Variants in SEMA6A observed in about 807,000 individuals in gnomAD.
SEMA6A encodes the protein semaphorin 6A.
A neutral mutation model predicts 96.8 loss-of-function variants in SEMA6A; 25 were observed. That is an observed-to-expected ratio of 0.26 (90% CI 0.19 to 0.36). The LOEUF (loss-of-function observed/expected upper bound fraction) is 0.36, where lower values mean the gene tolerates loss of function less well. Ranked by LOEUF, SEMA6A falls within the 10% of genes least tolerant of loss-of-function variation. SEMA6A has a pLI of 1.00. For missense variants in SEMA6A, 1,363 were observed against 1,323.1 expected, an observed-to-expected ratio of 1.03 and a Z score of -0.47; for synonymous variants, 612 against 518.0, an observed-to-expected ratio of 1.18 and a Z score of -2.46.
intron 1 of SEMA6A, among the ~76,000 whole-genome samples, chr5:116,513,951 GA>G (rs1758544994): frequency 6.6e-6 from 1 of 152,242 alleles, no homozygotes; most frequent in South Asian, 2.1e-4. Flanking sequence ...CCCTGCAAAG[GA>G]CATGACCTTG....
chr5:116,567,608 G>T (rs553571793), intron 1 of SEMA6A, among the ~76,000 whole-genome samples: 1 of 152,242 alleles, frequency 6.6e-6, no homozygotes, highest in South Asian at 2.1e-4. Context: ...GAAAACTGAA[G>T]GAGAAAGGAA....
At position 116,477,889 on chromosome 5, in the gene SEMA6A, T is replaced by C; in HGVS notation, c.1606A>G (p.Ile536Val). 1.9e-6 allele frequency: 3 copies of C among 1,613,966 alleles called. No individual in the cohort carries two copies. The highest frequency in any genetic ancestry group is 2.5e-6 in the Non-Finnish European group (3 of 1,179,858). The change falls in exon 15 of 19, where the codon ATA (isoleucine) becomes GTA (valine). Residue 536 changes from isoleucine to valine, a missense_variant. Transcript: ENST00000343348. ...TGGCTGCAGGCACCACCTTCCTTTA[T>C]CCATCCACAATATGGGTCTCTGGAG... is the stretch of plus-strand genomic sequence containing the variant. ...IASRDPYCGW[I>V]KEGGACSHLS...
rs142822305 is a variant in SEMA6A, at chr5:116,537,750, AAGAG to A, written c.-38-32772_-38-32769del. Among the ~76,000 whole-genome samples, 905 of 152,318 alleles carry A rather than the reference AAGAG, an allele frequency of 5.9e-3. 16 individuals carry two copies. Among genetic ancestry groups the A allele is most frequent in the African/African-American group, 0.021 (852 of 41,560 alleles). ...AGAAATTTCAATACATTTAGAAAAA[AAGAG>A]AGAAAAGAAACAGGAAATACACAGA... On this transcript the variant is annotated intron_variant, in intron 1 of 18. Transcript: ENST00000343348.
At chr5:116,532,042 A>G (rs1342318589) in intron 1 of SEMA6A, among the ~76,000 whole-genome samples, 2 of 152,174 alleles carry the variant, frequency 1.3e-5, no homozygotes, top group East Asian at 1.9e-4. Context: ...CCCTTGTTCA[A>G]GTGTGCTCTC....
At chr5:116,474,693 G>A (rs930087864) in intron 16 of SEMA6A, among the ~76,000 whole-genome samples, 7 of 152,092 alleles carry the variant, frequency 4.6e-5, no homozygotes, top group Non-Finnish European at 7.3e-5. Context: ...CGTGACTTCC[G>A]TTATAGAATC....
intron 1 of SEMA6A, among the ~76,000 whole-genome samples, chr5:116,508,854 A>C (rs999113281): frequency 6.6e-6 from 1 of 152,124 alleles, no homozygotes; most frequent in Admixed American, 6.5e-5. Flanking sequence ...CCTGCCCTTG[A>C]AGGTTCTGAG....
Position 116,445,478 on chromosome 5 carries a change from G to C in SEMA6A, c.*1135C>G, listed in dbSNP as rs1233965650. On this transcript the variant is annotated 3_prime_UTR_variant, in exon 19 of 19. Coordinates refer to ENST00000343348, the MANE Select transcript of SEMA6A (RefSeq NM_020796.5). ...GAAATGGGATGGCATATTGCAAGCTGGTGCCTTCACAGAAAGTCAGAACCA... is the reference window on the plus strand; with the variant it reads ...GAAATGGGATGGCATATTGCAAGCTCGTGCCTTCACAGAAAGTCAGAACCA... The C allele has an allele frequency of 6.6e-6, 1 of 152,642 alleles. No homozygotes were observed. Among genetic ancestry groups the C allele is most frequent in the Non-Finnish European group, 1.5e-5 (1 of 68,044 alleles). 9.5% of individuals were successfully genotyped at this position (152,642 alleles called of 1,614,324 possible).
At chr5:116,472,723 G>A (rs755502553) in intron 17 of SEMA6A, 3 of 575,146 alleles carry the variant, frequency 5.2e-6, no homozygotes, top group Non-Finnish European at 8.7e-6. Context: ...CATAGGCAGA[G>A]TAATTTTTGA....
intron 1 of SEMA6A, among the ~76,000 whole-genome samples, chr5:116,516,299 T>C (rs180796010): frequency 6.6e-6 from 1 of 152,326 alleles, no homozygotes; most frequent in Admixed American, 6.5e-5. Context: ...TGTTCATCTG[T>C]GTATGTCCAG....
chr5:116,499,408 C>A (rs1349607792), intron 3 of SEMA6A, among the ~76,000 whole-genome samples: 1 of 12,240 alleles, frequency 8.2e-5, no homozygotes, highest in East Asian at 1.2e-3. Context: ...TGAACCTGGG[C>A]GGGCGGGGGT....
chr5:116,515,098 G>A (rs1054793365), intron 1 of SEMA6A, among the ~76,000 whole-genome samples: 1 of 152,288 alleles, frequency 6.6e-6, no homozygotes, highest in Admixed American at 6.5e-5. Flanking sequence ...GGGGGCAGGT[G>A]GGAACTAAGA....
intron 1 of SEMA6A, among the ~76,000 whole-genome samples, chr5:116,547,326 C>T (rs1352411756): frequency 6.6e-6 from 1 of 152,122 alleles, no homozygotes; most frequent in Non-Finnish European, 1.5e-5. Context: ...TATTGAATTG[C>T]TAGCCAAAGC....
At chr5:116,509,733 A>G (rs1241874020) in intron 1 of SEMA6A, among the ~76,000 whole-genome samples, 1 of 152,066 alleles carries the variant, frequency 6.6e-6, no homozygotes, top group Non-Finnish European at 1.5e-5. Flanking sequence ...GGCAGGGGGA[A>G]TAAGGGGACC....
chr5:116,494,401 A>G (rs1260956907), intron 6 of SEMA6A, among the ~76,000 whole-genome samples: 1 of 152,186 alleles, frequency 6.6e-6, no homozygotes, highest in African/African-American at 2.4e-5. Context: ...GCACTATGTT[A>G]GGTTCTGGAG....
chr5:116,506,557 G>C (rs1363585120), intron 1 of SEMA6A, among the ~76,000 whole-genome samples: 2 of 152,140 alleles, frequency 1.3e-5, no homozygotes, highest in Admixed American at 6.5e-5. Context: ...AAGCTCTGAA[G>C]TGCCCTGATT....
chr5:116,496,707 T>C (rs1272004081), intron 4 of SEMA6A, among the ~76,000 whole-genome samples: 2 of 152,238 alleles, frequency 1.3e-5, no homozygotes, highest in Non-Finnish European at 2.9e-5. Context: ...AAGGCTTTTT[T>C]CTTAAAATAC....
Position 116,444,657 on chromosome 5 carries a change from TAACAAAATAAAA to T in SEMA6A, c.*1944_*1955del, listed in dbSNP as rs1421067062. 6.6e-6 allele frequency: 1 copy of T among 152,490 alleles called. No individual in the cohort carries two copies. Among genetic ancestry groups the T allele is most frequent in the Non-Finnish European group, 1.5e-5 (1 of 68,012 alleles). 9.4% of individuals were successfully genotyped at this position (152,490 alleles called of 1,614,324 possible). On this transcript the variant is annotated 3_prime_UTR_variant, in exon 19 of 19. Coordinates refer to ENST00000343348, the MANE Select transcript of SEMA6A (RefSeq NM_020796.5). ...ACCTCCCATCCCCTAAAAACATAATTAACAAAATAAAAAATAAAATAAAAAATCCTTTGCCCC... is the reference window on the plus strand; with the variant it reads ...ACCTCCCATCCCCTAAAAACATAATTAATAAAATAAAAAATCCTTTGCCCC...
intron 1 of SEMA6A, among the ~76,000 whole-genome samples, chr5:116,540,401 T>A (rs570718552): frequency 6.6e-6 from 1 of 152,374 alleles, no homozygotes; most frequent in Admixed American, 6.5e-5. Context: ...TTCCACCATT[T>A]GGAGATCTCT....
rs369880923 is a variant in SEMA6A, at chr5:116,447,205, T to C, written c.2501A>G (p.Lys834Arg). Residue 834 changes from lysine to arginine, a missense_variant, in exon 19 of 19, where the codon AAA becomes AGA. Around this residue, in one of 2 missense-constraint regions of SEMA6A, gnomAD observed 883 missense variants for 763.6 expected, o/e 1.16. Transcript: ENST00000343348. ...CGCCATCTGGGCCACCTCGCTCATT[T>C]TGGGCTGGTCCACGTACTCATGCTG... ...GYQHEYVDQP[K>R]MSEVAQMALE... 1.4e-5 allele frequency: 22 copies of C among 1,613,932 alleles called. No individual in the cohort carries two copies. The Admixed American group carries it at 1.5e-4, about 11-fold the overall frequency.
Sources: allele counts gnomAD v4.1 joint callset (sites outside exome capture counted in the v4.1 genomes callset), GRCh38; gene constraint gnomAD v4.1.1; regional missense constraint gnomAD v4.1.1; transcripts MANE v1.5; gene names NCBI Gene and HGNC (gene_info 2026-07-23, HGNC 2026-07-21).